NLN: variants seen among roughly 807,000 people sequenced by gnomAD.
The protein encoded by NLN is neurolysin.
NLN carries 64 observed loss-of-function variants against 79.9 expected under a neutral mutation model. The ratio of observed to expected loss-of-function variants is 0.80; its 90% CI spans 0.65 to 0.99. NLN has a LOEUF of 0.99. Among genes scored for constraint, NLN ranks in the 50% least tolerant of loss-of-function variants. The pLI is 0.00. For missense variants in NLN, 835 were observed against 858.7 expected (o/e 0.97, Z 0.34); for synonymous variants, 267 against 296.6 (o/e 0.90, Z 1.02).
In NLN at chr5:65,823,909, A is replaced by G. The variant is rs1307307103; in HGVS notation, c.*994A>G. ...AGAGGAGTGGGTTTTGGATAGAAGC[A>G]TTTGAGGACAGCTGCTCCAAAGCCT... On this transcript the variant is annotated 3_prime_UTR_variant, in exon 13 of 13. Transcript: ENST00000380985. 6.6e-6 allele frequency: 1 copy of G among 152,238 alleles called. No homozygotes were observed. The highest frequency in any genetic ancestry group is 1.5e-5 in the Non-Finnish European group (1 of 68,058). 9.4% of individuals were successfully genotyped at this position (152,238 alleles called of 1,614,324 possible).
At chr5:65,743,080 CTTACATTCTAGTAGAA>C (rs1278881887) in intron 1 of NLN, among the ~76,000 whole-genome samples, 1 of 152,334 alleles carries the variant, frequency 6.6e-6, no homozygotes, top group East Asian at 1.9e-4. Context: ...TCCCAAAGAG[CTTACATTCTAGTAGAA>C]TTACAAGGAA....
At chr5:65,737,566 A>G (rs1758754880) in intron 1 of NLN, among the ~76,000 whole-genome samples, 1 of 152,212 alleles carries the variant, frequency 6.6e-6, no homozygotes. Context: ...GAATGAAAAT[A>G]TGTCATTACT....
intron 8 of NLN, among the ~76,000 whole-genome samples, chr5:65,792,049 G>T (rs985286632): frequency 2.0e-5 from 3 of 152,152 alleles, no homozygotes; most frequent in Non-Finnish European, 2.9e-5. Context: ...TTTTTATTCC[G>T]ATTTTAATGA....
chr5:65,756,758 C>T (rs1336617906), intron 1 of NLN, among the ~76,000 whole-genome samples: 1 of 152,152 alleles, frequency 6.6e-6, no homozygotes, highest in Non-Finnish European at 1.5e-5. Context: ...CTGCCTCACC[C>T]TCTCAAAATG....
chr5:65,773,902 C>T (rs576726221), intron 3 of NLN, among the ~76,000 whole-genome samples: 35 of 152,158 alleles, frequency 2.3e-4, no homozygotes, highest in African/African-American at 8.2e-4. Context: ...ATGATCACAC[C>T]ACTGTACTCC....
chr5:65,749,693 T>A (rs938454717), intron 1 of NLN, among the ~76,000 whole-genome samples: 1 of 152,180 alleles, frequency 6.6e-6, no homozygotes, highest in Non-Finnish European at 1.5e-5. Context: ...GTGTTGAAGG[T>A]CTCGTACTAG....
chr5:65,745,508 T>A (rs1378493445), intron 1 of NLN, among the ~76,000 whole-genome samples: 4 of 152,232 alleles, frequency 2.6e-5, no homozygotes, highest in African/African-American at 9.6e-5. Context: ...AAGCTACTTC[T>A]CTGTAGCCAG....
chr5:65,728,100 A>T (rs10077146), intron 1 of NLN, among the ~76,000 whole-genome samples: 2,841 of 152,264 alleles, frequency 0.019, 54 homozygotes, highest in South Asian at 0.043. Flanking sequence ...TAAAATGATG[A>T]CAGCAATGCG....
intron 12 of NLN, among the ~76,000 whole-genome samples, chr5:65,815,190 C>T (rs1376532190): frequency 6.6e-6 from 1 of 152,190 alleles, no homozygotes; most frequent in Non-Finnish European, 1.5e-5. Flanking sequence ...CTCCTCTGTG[C>T]TTGCCCTTAT....
intron 1 of NLN, chr5:65,722,617 G>C (rs1439331719): frequency 1.9e-6 from 1 of 538,202 alleles, no homozygotes; most frequent in Admixed American, 3.7e-5. Flanking sequence ...CCGCTCCCTC[G>C]GGAGGACGTC....
rs1397285643 is a variant in NLN, at chr5:65,824,352, A to T, written c.*1437A>T. On this transcript the variant is annotated 3_prime_UTR_variant, in exon 13 of 13. Coordinates refer to ENST00000380985, the MANE Select transcript of NLN (RefSeq NM_020726.5). Reference sequence around the variant, plus strand: ...GCAAGAGCTAGGAGATTCCTAGATTATATCTGCCAAGCAAATACCTTAAAC... The same window carrying T: ...GCAAGAGCTAGGAGATTCCTAGATTTTATCTGCCAAGCAAATACCTTAAAC... 2 of 152,190 alleles carry T rather than the reference A, an allele frequency of 1.3e-5. No individual in the cohort carries two copies. Among genetic ancestry groups the T allele is most frequent in the Non-Finnish European group, 2.9e-5 (2 of 68,040 alleles). The allele number at this position is 152,190 out of a possible 1,614,324, so 9.4% of individuals were successfully genotyped here.
Position 65,823,078 on chromosome 5 carries a change from T to C in NLN, c.*163T>C. The C allele has an allele frequency of 1.8e-6, 1 of 565,200 alleles. No homozygotes were observed. The highest frequency in any genetic ancestry group is 3.4e-5 in the Admixed American group (1 of 29,236). 35.0% of individuals were successfully genotyped at this position (565,200 alleles called of 1,614,324 possible). A position where few individuals can be genotyped will look rare whatever the true frequency, so the allele number is the denominator to read the frequency against. ...AATTATAAAGATGTAAATGGAATTA[T>C]AAATACTGTGACCTAAGAAAAGACC... On this transcript the variant is annotated 3_prime_UTR_variant, in exon 13 of 13. Transcript: ENST00000380985.
chr5:65,732,815 A>G (rs1314019880), intron 1 of NLN, among the ~76,000 whole-genome samples: 1 of 141,920 alleles, frequency 7.0e-6, no homozygotes, highest in East Asian at 2.0e-4. Context: ...CCTTGAACCA[A>G]TCACACAAGC....
At chr5:65,773,945 AAAT>A (rs916922972) in intron 3 of NLN, among the ~76,000 whole-genome samples, 2 of 152,122 alleles carry the variant, frequency 1.3e-5, no homozygotes, top group Non-Finnish European at 2.9e-5. Flanking sequence ...CCTGTCTCAA[AAAT>A]AATAATAATA....
chr5:65,739,113 G>A (rs1015840799), intron 1 of NLN, among the ~76,000 whole-genome samples: 1 of 145,932 alleles, frequency 6.9e-6, no homozygotes, highest in South Asian at 2.1e-4. Flanking sequence ...ATGTTCGCCA[G>A]GCTGGTTTCG....
At chr5:65,771,538 TA>T (rs1421922587) in intron 3 of NLN, among the ~76,000 whole-genome samples, 5 of 152,252 alleles carry the variant, frequency 3.3e-5, no homozygotes, top group Non-Finnish European at 5.9e-5. Context: ...ATTGTTTATT[TA>T]TTTTTTTTAG....
intron 1 of NLN, among the ~76,000 whole-genome samples, chr5:65,738,980 T>TTTTATAA (rs1554028917): frequency 0.042 from 1,090 of 25,748 alleles, 5 homozygotes; most frequent in Middle Eastern, 0.06. Flanking sequence ...AATATATATA[T>TTTTATAA]TATATATTTA....
chr5:65,821,346 C>T lies in NLN; in HGVS notation c.1981-1435C>T, dbSNP rs538399032. On this transcript the variant is annotated intron_variant, in intron 12 of 12. Coordinates refer to ENST00000380985, the MANE Select transcript of NLN (RefSeq NM_020726.5). ...CTAGACCTGTCCAGTATGGTAGCCA[C>T]GTGTAGCTGTTGAGCGCTTGAAATG... Among the ~76,000 whole-genome samples the T allele has an allele frequency of 4.6e-5, 7 of 152,214 alleles. 2 individuals carry two copies. Among genetic ancestry groups the T allele is most frequent in the East Asian group, 1.9e-4 (1 of 5,184 alleles).
At chr5:65,801,947 A>G (rs1030628896) in intron 9 of NLN, among the ~76,000 whole-genome samples, 9 of 152,226 alleles carry the variant, frequency 5.9e-5, no homozygotes, top group Non-Finnish European at 2.9e-5. Context: ...CAAGCAGGAT[A>G]TACAAAGTCT....
Sources: allele counts gnomAD v4.1 joint callset (sites outside exome capture counted in the v4.1 genomes callset), GRCh38; gene constraint gnomAD v4.1.1; transcripts MANE v1.5; gene names NCBI Gene and HGNC (gene_info 2026-07-23, HGNC 2026-07-21).